KIF26B: variants seen among roughly 807,000 people sequenced by gnomAD.
The protein encoded by KIF26B is kinesin-like protein KIF26B.
A neutral mutation model predicts 151.2 loss-of-function variants in KIF26B; 63 were observed. That is an observed-to-expected ratio of 0.42 (90% CI 0.34 to 0.51). The LOEUF (loss-of-function observed/expected upper bound fraction) is 0.51. Among genes scored for constraint, KIF26B ranks in the 20% least tolerant of loss-of-function variants. The pLI, the probability that KIF26B is intolerant of heterozygous loss-of-function variation, is 0.07. For synonymous variants in KIF26B, 1,357 were observed against 1,262.1 expected (o/e 1.08, Z -1.59); for missense variants, 2,813 against 2,913.6 (o/e 0.97, Z 0.79).
chr1:245,535,038 C>A (rs1485432371), intron 4 of KIF26B, among the ~76,000 whole-genome samples: 2 of 152,196 alleles, frequency 1.3e-5, no homozygotes, highest in African/African-American at 4.8e-5. Context: ...CCACCTCGGC[C>A]TCCCAAAGTG....
intron 2 of KIF26B, among the ~76,000 whole-genome samples, chr1:245,364,157 C>T (rs917273189): frequency 3.3e-5 from 5 of 152,124 alleles, no homozygotes; most frequent in Admixed American, 6.5e-5. Flanking sequence ...CAACACTGGG[C>T]GTGCAGGAAA....
At chr1:245,365,478 A>C (rs1173847) in intron 2 of KIF26B, among the ~76,000 whole-genome samples, 83,433 of 147,804 alleles carry the variant, frequency 0.56, 25,327 homozygotes, top group African/African-American at 0.81. Flanking sequence ...CACCCCCCAA[A>C]TGCTGATCTT....
chr1:245,392,944 G>A (rs569625158), intron 3 of KIF26B, among the ~76,000 whole-genome samples: 1 of 152,254 alleles, frequency 6.6e-6, no homozygotes, highest in Admixed American at 6.5e-5. Context: ...GTCATAGTGG[G>A]TGGATCACCT....
chr1:245,329,483 G>T (rs1224925868), intron 2 of KIF26B, among the ~76,000 whole-genome samples: 1 of 152,216 alleles, frequency 6.6e-6, no homozygotes. Context: ...GGCAGATGAG[G>T]CCCCAGGAAT....
chr1:245,416,951 T>G (rs1069217), intron 3 of KIF26B, among the ~76,000 whole-genome samples: 3 of 151,946 alleles, frequency 2.0e-5, no homozygotes, highest in African/African-American at 7.3e-5. Context: ...CTCTCCCCAT[T>G]GTGGAACTAG....
chr1:245,407,954 C>CA (rs56809404), intron 3 of KIF26B, among the ~76,000 whole-genome samples: 34,863 of 151,740 alleles, frequency 0.23, 6,209 homozygotes, highest in African/African-American at 0.5. Context: ...TGGCGCTGAT[C>CA]ATTCAGTGCG....
rs4021193 is a variant in KIF26B at position 245,510,576 on chromosome 1, TTCTCTCTCTCTCTCTC to T, written c.1167-30167_1167-30152del. Among the ~76,000 whole-genome samples, 472 of 134,106 alleles carry T rather than the reference TTCTCTCTCTCTCTCTC, an allele frequency of 3.5e-3. 4 individuals are homozygous for T. The highest frequency in any genetic ancestry group is 0.012 in the African/African-American group (419 of 34,002). 88.0% of individuals were successfully genotyped at this position (134,106 alleles called of 152,430 possible). A position where few individuals can be genotyped will look rare whatever the true frequency, so the allele number is the denominator to read the frequency against. On this transcript the variant is annotated intron_variant, in intron 4 of 14. Coordinates refer to ENST00000407071, the MANE Select transcript of KIF26B (RefSeq NM_018012.4). ...TCTCGGCTGTCTCTTTTAGCAGAGC[TTCTCTCTCTCTCTCTC>T]TCTCTCTCTCTCTCTCTCTCTCTTC...
intron 2 of KIF26B, among the ~76,000 whole-genome samples, chr1:245,247,627 G>A (rs1670362423): frequency 6.6e-6 from 1 of 152,200 alleles, no homozygotes; most frequent in Non-Finnish European, 1.5e-5. Flanking sequence ...ATGGAAGTAA[G>A]AGGAAGTGGG....
intron 4 of KIF26B, among the ~76,000 whole-genome samples, chr1:245,453,769 A>G (rs899205399): frequency 2.0e-5 from 3 of 152,248 alleles, no homozygotes; most frequent in Non-Finnish European, 2.9e-5. Flanking sequence ...CAGTTTACCA[A>G]TGATGAAATC....
At chr1:245,225,444 C>T (rs1669854386) in intron 2 of KIF26B, among the ~76,000 whole-genome samples, 1 of 152,222 alleles carries the variant, frequency 6.6e-6, no homozygotes, top group Non-Finnish European at 1.5e-5. Context: ...CAGTCGATGG[C>T]CCTCTGCAGG....
At chr1:245,306,425 G>A (rs1671540574) in intron 2 of KIF26B, among the ~76,000 whole-genome samples, 1 of 152,184 alleles carries the variant, frequency 6.6e-6, no homozygotes, top group Admixed American at 6.5e-5. Flanking sequence ...AGGAGATAAT[G>A]AAAATGTTCT....
At position 245,258,874 on chromosome 1, in the gene KIF26B, C is replaced by T. The variant is rs143236743; in HGVS notation, c.465+102191C>T. 1.1e-4 allele frequency among the ~76,000 whole-genome samples: 17 copies of T among 152,332 alleles called. No individual in the cohort carries two copies. The East Asian group carries it at 2.9e-3, about 26-fold the overall frequency. On this transcript the variant is annotated intron_variant, in intron 2 of 14. Transcript: ENST00000407071. The stretch of plus-strand genomic sequence containing the variant: ...TCTGCCAGGTTGCTTAACCCATCTC[C>T]GCTCCGGTTTTCCCATGCGTGAGCC...
At position 245,306,802 on chromosome 1, in the gene KIF26B, A is replaced by G. The variant is rs191139605; in HGVS notation, c.466-60032A>G. On this transcript the variant is annotated intron_variant, in intron 2 of 14. Transcript: ENST00000407071. ...TGCCTTGCGTTATATTTATTTCTGT[A>G]TCTGTCATATGATCTCTATCTGATC... Among the ~76,000 whole-genome samples the G allele has an allele frequency of 3.3e-5, 5 of 152,238 alleles. No individual in the cohort carries two copies. The East Asian group carries it at 5.8e-4, about 18-fold the overall frequency.
intron 2 of KIF26B, among the ~76,000 whole-genome samples, chr1:245,299,320 G>GTTTTTTT (rs55957858): frequency 2.6e-4 from 27 of 103,142 alleles, no homozygotes; most frequent in East Asian, 8.2e-4. Flanking sequence ...CCAATTCTGG[G>GTTTTTTT]TTTTTTTTTT....
At chr1:245,494,078 T>G (rs1228774538) in intron 4 of KIF26B, among the ~76,000 whole-genome samples, 1 of 150,534 alleles carries the variant, frequency 6.6e-6, no homozygotes, top group Non-Finnish European at 1.5e-5. Flanking sequence ...CCGAGGTGGG[T>G]GGATCACCTG....
In KIF26B at chr1:245,167,272, A is replaced by G. The variant is rs1008395850; in HGVS notation, c.465+10589A>G. On this transcript the variant is annotated intron_variant, in intron 2 of 14. Coordinates refer to ENST00000407071, the MANE Select transcript of KIF26B (RefSeq NM_018012.4). This position sits in a 1 kb window ranked among gnomAD's most constrained non-coding sequence, Gnocchi z 4.2. The stretch of plus-strand genomic sequence containing the variant: ...ACAGGGGTGACAAATAGAAACTTTT[A>G]TTTTGATATGTCCTTATCTAAGTGA... Among the ~76,000 whole-genome samples the G allele has an allele frequency of 3.9e-5, 6 of 152,044 alleles. No homozygotes were observed. The highest frequency in any genetic ancestry group is 9.7e-5 in the African/African-American group (4 of 41,386).
rs371098508 is a variant in KIF26B at position 245,563,659 on chromosome 1, G to A, written c.1350+22709G>A. 2.3e-4 allele frequency among the ~76,000 whole-genome samples: 35 copies of A among 152,286 alleles called. No homozygotes were observed. The highest frequency in any genetic ancestry group is 7.2e-4 in the African/African-American group (30 of 41,564). ...TTGAGACTGTGGGAACGATGTTTTC[G>A]TTAAGAATGGACTGCCTGTATAATG... On this transcript the variant is annotated intron_variant, in intron 5 of 14. Coordinates refer to ENST00000407071, the MANE Select transcript of KIF26B (RefSeq NM_018012.4). This position sits in a 1 kb window ranked among gnomAD's most constrained non-coding sequence, Gnocchi z 4.6.
Position 245,156,201 on chromosome 1 carries a change from G to C in KIF26B, c.64-81G>C, listed in dbSNP as rs1668428267. 3 of 1,487,136 alleles carry C rather than the reference G, an allele frequency of 2.0e-6. No individual in the cohort carries two copies. In the East Asian group the frequency reaches 7.7e-5, roughly 38 times the overall value. 92.1% of individuals were successfully genotyped at this position (1,487,136 alleles called of 1,614,324 possible). A position where few individuals can be genotyped will look rare whatever the true frequency, so the allele number is the denominator to read the frequency against. On this transcript the variant is annotated intron_variant, in intron 1 of 14. Transcript: ENST00000407071. ...CCGTGGGCGGTTCGAGCGGGTACTT[G>C]GTGGCGCACGTATGACCCAGCTCCT...
At chr1:245,670,238 G>A (rs1056167345) in intron 10 of KIF26B, among the ~76,000 whole-genome samples, 20 of 100,660 alleles carry the variant, frequency 2.0e-4, no homozygotes, top group Middle Eastern at 5.3e-3. Context: ...GTATGCGTGT[G>A]TATATCCATA....
Sources: gnomAD v4.1 joint callset for allele counts (sites outside exome capture counted in the v4.1 genomes callset) on GRCh38, gnomAD v4.1.1 for gene constraint, Gnocchi (gnomAD v3.1) non-coding constraint, MANE v1.5 for transcripts, NCBI Gene and HGNC (gene_info 2026-07-23, HGNC 2026-07-21) for gene names.